PXK: variants seen among roughly 807,000 people sequenced by gnomAD.
The protein encoded by PXK is PX domain containing serine/threonine kinase like, also known as PX domain-containing protein kinase-like protein.
Under a neutral mutation model 84.7 loss-of-function variants are expected in PXK, and 35 were observed. That is an observed-to-expected ratio of 0.41 (90% confidence interval 0.32 to 0.55). The LOEUF (loss-of-function observed/expected upper bound fraction) is 0.55, where lower values mean the gene tolerates loss of function less well. Ranked by LOEUF, PXK falls within the 20% of genes least tolerant of loss-of-function variation. The pLI, the probability that PXK is intolerant of heterozygous loss-of-function variation, is 0.21. For missense variants in PXK, 634 were observed against 699.7 expected, an observed-to-expected ratio of 0.91 and a Z score of 1.06; for synonymous variants, 253 against 260.8, an observed-to-expected ratio of 0.97 and a Z score of 0.29.
chr3:58,351,276 G>C (rs1334457049), intron 1 of PXK, among the ~76,000 whole-genome samples: 1 of 151,918 alleles, frequency 6.6e-6, no homozygotes, highest in East Asian at 1.9e-4. Flanking sequence ...GTGCAATCAC[G>C]GCTCACGGCA....
Position 58,425,119 on chromosome 3 carries a change from A to G in PXK, c.*159A>G. On this transcript the variant is annotated 3_prime_UTR_variant, in exon 18 of 18. Transcript: ENST00000356151. ...ATGTAAGCAGCTTTTCGAGAGAAAT[A>G]ATTCTTTAAGCAGAATAAAGTTAGG... 1 of 1,129,206 alleles carries G rather than the reference A, an allele frequency of 8.9e-7. No individual in the cohort carries two copies. The highest frequency in any genetic ancestry group is 1.2e-6 in the Non-Finnish European group (1 of 808,614). The allele number at this position is 1,129,206 out of a possible 1,614,324, so 69.9% of individuals were successfully genotyped here. A position where few individuals can be genotyped will look rare whatever the true frequency, so the allele number is the denominator to read the frequency against.
At chr3:58,384,272 A>G (rs1281829042) in intron 4 of PXK, among the ~76,000 whole-genome samples, 1 of 152,182 alleles carries the variant, frequency 6.6e-6, no homozygotes, top group Non-Finnish European at 1.5e-5. Context: ...TGATTTTAAC[A>G]AGGTCCCCAG....
At chr3:58,340,216 C>A (rs1157062000) in intron 1 of PXK, among the ~76,000 whole-genome samples, 2 of 151,536 alleles carry the variant, frequency 1.3e-5, no homozygotes, top group Non-Finnish European at 2.9e-5. Flanking sequence ...TTGACCTCTC[C>A]AGCTCAAACA....
intron 1 of PXK, among the ~76,000 whole-genome samples, chr3:58,351,232 G>A (rs1244187248): frequency 6.6e-6 from 1 of 152,018 alleles, no homozygotes; most frequent in Non-Finnish European, 1.5e-5. Context: ...TCCAAGAAAG[G>A]GTCTCACTCT....
At chr3:58,343,584 T>C (rs1323590751) in intron 1 of PXK, among the ~76,000 whole-genome samples, 1 of 152,208 alleles carries the variant, frequency 6.6e-6, no homozygotes, top group Non-Finnish European at 1.5e-5. Flanking sequence ...GGTCTGTGCA[T>C]AGAAGACACA....
At chr3:58,339,043 A>G (rs956579501) in intron 1 of PXK, among the ~76,000 whole-genome samples, 12 of 152,106 alleles carry the variant, frequency 7.9e-5, no homozygotes, top group African/African-American at 2.9e-4. Context: ...CTGGGCATCT[A>G]TTCTATGTGG....
At position 58,397,505 on chromosome 3, in the gene PXK, A is replaced by G; in HGVS notation, c.985-100A>G. 1 of 1,028,128 alleles carries G rather than the reference A, an allele frequency of 9.7e-7. No homozygotes were observed. Among genetic ancestry groups the G allele is most frequent in the South Asian group, 1.3e-5 (1 of 74,470 alleles). 63.7% of individuals were successfully genotyped at this position (1,028,128 alleles called of 1,614,324 possible). A position where few individuals can be genotyped will look rare whatever the true frequency, so the allele number is the denominator to read the frequency against. ...TACGTTACCAATTAGGAACGGGGCTATCCCTGGGCTTTGTTTCTCAGAGAA... is the reference window on the plus strand; with the variant it reads ...TACGTTACCAATTAGGAACGGGGCTGTCCCTGGGCTTTGTTTCTCAGAGAA... On this transcript the variant is annotated intron_variant, in intron 10 of 17. Transcript: ENST00000356151. This position sits in a 1 kb window ranked among gnomAD's most constrained non-coding sequence, Gnocchi z 4.7.
intron 1 of PXK, among the ~76,000 whole-genome samples, chr3:58,365,104 G>A (rs1271016000): frequency 2.0e-5 from 3 of 151,456 alleles, no homozygotes; most frequent in Non-Finnish European, 4.4e-5. Context: ...TGAAGTTTAG[G>A]TTATTGATTT....
At chr3:58,391,377 C>G (rs531884466) in intron 6 of PXK, among the ~76,000 whole-genome samples, 157 bp downstream of exon 6, 2 of 152,166 alleles carry the variant, frequency 1.3e-5, no homozygotes, top group South Asian at 4.1e-4. Context: ...GAGTCATTTT[C>G]CTGTGTATTT....
intron 3 of PXK, among the ~76,000 whole-genome samples, chr3:58,374,081 C>G (rs1242219060): frequency 1.3e-5 from 2 of 150,622 alleles, no homozygotes; most frequent in African/African-American, 4.9e-5. Context: ...CAGATAAAAG[C>G]TAGTTTTCTG....
rs2061948159 is a variant in PXK at position 58,421,981 on chromosome 3, A to G, written c.1529-2771A>G. ...GGAGGTCTCTTGGCAGGAAGGCCTC[A>G]TTCACATCTGAGGGGTGGAGAGCGC... On this transcript the variant is annotated intron_variant, in intron 17 of 17. Coordinates refer to ENST00000356151, the MANE Select transcript of PXK (RefSeq NM_017771.5). The surrounding 1 kb of genome is among the most constrained non-coding windows in gnomAD (Gnocchi z 5.5). 1.0e-6 allele frequency: 1 copy of G among 985,390 alleles called. No homozygotes were observed. The highest frequency in any genetic ancestry group is 1.2e-6 in the Non-Finnish European group (1 of 829,924). The allele number at this position is 985,390 out of a possible 1,614,324, so 61.0% of individuals were successfully genotyped here. A position where few individuals can be genotyped will look rare whatever the true frequency, so the allele number is the denominator to read the frequency against.
chr3:58,420,096 TG>T (rs2061592573), intron 17 of PXK, among the ~76,000 whole-genome samples: 1 of 150,524 alleles, frequency 6.6e-6, no homozygotes, highest in South Asian at 2.1e-4. Context: ...AAAAAAGTTA[TG>T]GGTTTTCATT....
chr3:58,345,246 G>A (rs996904591), intron 1 of PXK, among the ~76,000 whole-genome samples: 1 of 152,140 alleles, frequency 6.6e-6, no homozygotes, highest in African/African-American at 2.4e-5. Context: ...AGAGGAGCCA[G>A]CATTTTAGAG....
At position 58,333,615 on chromosome 3, in the gene PXK, C is replaced by G. The variant is rs2107561864; in HGVS notation, c.102+525C>G. ...GTGTAAGTGGCTGGGGTCTGCAGCC[C>G]CGTTTCCAGGTCAGCCGCTTGGCCC... On this transcript the variant is annotated intron_variant, in intron 1 of 17. Coordinates refer to ENST00000356151, the MANE Select transcript of PXK (RefSeq NM_017771.5). This position sits in a 1 kb window ranked among gnomAD's most constrained non-coding sequence, Gnocchi z 5.4. 4.4e-6 allele frequency: 2 copies of G among 456,644 alleles called. No homozygotes were observed. The highest frequency in any genetic ancestry group is 1.5e-5 in the South Asian group (1 of 64,568). The allele number at this position is 456,644 out of a possible 1,614,324, so 28.3% of individuals were successfully genotyped here.
chr3:58,376,842 G>A (rs553690293), intron 3 of PXK, among the ~76,000 whole-genome samples: 1 of 140,248 alleles, frequency 7.1e-6, no homozygotes, highest in African/African-American at 2.5e-5. Flanking sequence ...GTTTTGCTAT[G>A]TTGATTAGGC....
intron 1 of PXK, among the ~76,000 whole-genome samples, chr3:58,345,503 T>C (rs892262703): frequency 2.6e-5 from 4 of 152,248 alleles, no homozygotes; most frequent in African/African-American, 4.8e-5. Context: ...GTTTTTATGA[T>C]AATTCTCACT....
rs79986902 is a variant in PXK at position 58,362,158 on chromosome 3, T to G, written c.103-3716T>G. 7.2e-3 allele frequency among the ~76,000 whole-genome samples: 1,101 copies of G among 152,366 alleles called. 21 individuals are homozygous for G. Among genetic ancestry groups the G allele is most frequent in the African/African-American group, 0.025 (1,055 of 41,592 alleles). On this transcript the variant is annotated intron_variant, in intron 1 of 17. Transcript: ENST00000356151. ...ATGTATTCTTATTATTTGCCCATTT[T>G]CTAATTGGATTTTTAAAAAATGTTT...
intron 1 of PXK, among the ~76,000 whole-genome samples, chr3:58,340,414 CA>C (rs1384900113): frequency 2.0e-5 from 3 of 151,022 alleles, no homozygotes; most frequent in African/African-American, 7.3e-5. Flanking sequence ...TGAGCCACCG[CA>C]CCAAGCCTAG....
At chr3:58,396,232 T>A (rs1172317115) in intron 9 of PXK, among the ~76,000 whole-genome samples, 1 of 152,234 alleles carries the variant, frequency 6.6e-6, no homozygotes, top group Non-Finnish European at 1.5e-5. Context: ...TCTATTTAAC[T>A]ATAAATTATA....
Sources: gnomAD v4.1 joint callset for allele counts (sites outside exome capture counted in the v4.1 genomes callset) on GRCh38, gnomAD v4.1.1 for gene constraint, Gnocchi (gnomAD v3.1) non-coding constraint, MANE v1.5 for transcripts, NCBI Gene and HGNC (gene_info 2026-07-23, HGNC 2026-07-21) for gene names.